SIN3A: variants seen among roughly 807,000 people sequenced by gnomAD.
The protein encoded by SIN3A is SIN3 transcription regulator family member A.
SIN3A carries 14 observed loss-of-function variants against 146.1 expected under a neutral mutation model. The ratio of observed to expected loss-of-function variants is 0.10; its 90% CI spans 0.06 to 0.15. The LOEUF is 0.15. Ranked by LOEUF, SIN3A falls within the 10% of genes least tolerant of loss-of-function variation. SIN3A has a pLI of 1.00. For missense variants in SIN3A, 1,028 were observed against 1,576.0 expected, an observed-to-expected ratio of 0.65 and a Z score of 5.89; for synonymous variants, 572 against 572.0, an observed-to-expected ratio of 1.00 and a Z score of 0.00.
At chr15:75,380,895 T>G (rs868701773) in intron 18 of SIN3A, 172 bp from the exon 19 acceptor site, 1 of 558,404 alleles carries the variant, frequency 1.8e-6, no homozygotes, top group Admixed American at 2.8e-5. Flanking sequence ...GAACACGGAT[T>G]AAAAATTCTG....
intron 3 of SIN3A, among the ~76,000 whole-genome samples, chr15:75,417,522 G>A (rs12148352): frequency 0.1 from 15,222 of 151,698 alleles, 1,012 homozygotes; most frequent in Non-Finnish European, 0.15. Context: ...GATTCCAGGC[G>A]CATGTCACCA....
At position 75,371,941 on chromosome 15, in the gene SIN3A, C is replaced by T. The variant is rs766248420; in HGVS notation, c.*38G>A. ...GAGTGCATAGGCCCACACACACATC[C>T]CCACACACACCCCAAGTTATCTGCT... On this transcript the variant is annotated 3_prime_UTR_variant, in exon 21 of 21. Transcript: ENST00000394947. 5.1e-6 allele frequency: 8 copies of T among 1,573,862 alleles called. No individual in the cohort carries two copies. The South Asian group carries it at 8.9e-5, about 18-fold the overall frequency.
intron 1 of SIN3A, among the ~76,000 whole-genome samples, chr15:75,432,967 G>A (rs1332391298): frequency 6.6e-6 from 1 of 152,032 alleles, no homozygotes; most frequent in Non-Finnish European, 1.5e-5. Context: ...GCTTGAACCT[G>A]GGAGGCGGAG....
intron 16 of SIN3A, among the ~76,000 whole-genome samples, chr15:75,386,286 C>T (rs1475276804): frequency 6.6e-6 from 1 of 152,232 alleles, no homozygotes; most frequent in Non-Finnish European, 1.5e-5. Flanking sequence ...CCTTGGCCTC[C>T]CAAACTGCTG....
In SIN3A at chr15:75,394,781, A is replaced by T; in HGVS notation, c.2176T>A (p.Leu726Met). ...ATCCCCTGGTGGTCCAGAGACTTCA[A>T]GTAGTATTTCTCATTTTGTTCTCGC... Reference protein sequence around the residue: ...VWREQNEKYYLKSLDHQGINF... With the variant: ...VWREQNEKYYMKSLDHQGINF... The change falls in exon 14 of 21, where the codon TTG becomes ATG. Residue 726 changes from leucine to methionine, a missense_variant. Coordinates refer to ENST00000394947, the MANE Select transcript of SIN3A (RefSeq NM_001145358.2). 6.2e-7 allele frequency: 1 copy of T among 1,614,080 alleles called. No homozygotes were observed. Among genetic ancestry groups the T allele is most frequent in the Non-Finnish European group, 8.5e-7 (1 of 1,179,948 alleles).
intron 5 of SIN3A, 138 bp from the exon 6 acceptor site, chr15:75,411,881 A>G: frequency 1.2e-6 from 1 of 808,616 alleles, no homozygotes; most frequent in Non-Finnish European, 1.9e-6. Flanking sequence ...AGTCCAACAC[A>G]AATCATACTG....
At chr15:75,398,723 A>C (rs2073349820) in intron 12 of SIN3A, among the ~76,000 whole-genome samples, 1 of 149,422 alleles carries the variant, frequency 6.7e-6, no homozygotes, top group Admixed American at 6.6e-5. Context: ...AAAAGGAGCC[A>C]ATCAGGCCAG....
At chr15:75,442,301 C>G (rs1490306670) in intron 1 of SIN3A, among the ~76,000 whole-genome samples, 3 of 150,442 alleles carry the variant, frequency 2.0e-5, no homozygotes, top group Non-Finnish European at 3.0e-5. Flanking sequence ...TATCATACAT[C>G]TTTTTGGCAA....
At chr15:75,416,718 C>T (rs932059258) in intron 3 of SIN3A, among the ~76,000 whole-genome samples, 4 of 152,240 alleles carry the variant, frequency 2.6e-5, no homozygotes, top group African/African-American at 9.6e-5. Context: ...TGTTCTCCCT[C>T]CCCACCTTCA....
At chr15:75,404,757 C>A (rs182059351) in intron 9 of SIN3A, among the ~76,000 whole-genome samples, 1,342 of 120,864 alleles carry the variant, frequency 0.011, 12 homozygotes, top group Non-Finnish European at 0.016. Flanking sequence ...GAGACTGTCC[C>A]AGAAAAAAAA....
chr15:75,424,342 G>A (rs910375903), intron 2 of SIN3A, among the ~76,000 whole-genome samples: 2 of 152,096 alleles, frequency 1.3e-5, no homozygotes, highest in Admixed American at 1.3e-4. Flanking sequence ...GCTGAGGCAG[G>A]AGAATTGCTT....
chr15:75,417,105 A>G (rs1357719575), intron 3 of SIN3A, among the ~76,000 whole-genome samples: 1 of 151,596 alleles, frequency 6.6e-6, no homozygotes, highest in Middle Eastern at 3.4e-3. Context: ...CTGTTTTTGG[A>G]AAGTATCTTT....
At chr15:75,380,862 G>C in intron 18 of SIN3A, 139 bp from the exon 19 acceptor site, 1 of 637,030 alleles carries the variant, frequency 1.6e-6, no homozygotes, top group South Asian at 1.7e-5. Flanking sequence ...TTTCTATAAA[G>C]ACATGATTGT....
intron 1 of SIN3A, among the ~76,000 whole-genome samples, chr15:75,437,259 A>G (rs567069700): frequency 2.0e-5 from 3 of 151,628 alleles, no homozygotes; most frequent in African/African-American, 4.8e-5. Flanking sequence ...CGCATCCCCA[A>G]CCTCCTGGGC....
chr15:75,402,628 A>G (rs1437833611), intron 9 of SIN3A, among the ~76,000 whole-genome samples: 2 of 152,014 alleles, frequency 1.3e-5, no homozygotes, highest in East Asian at 3.9e-4. Context: ...TGCAATAAGG[A>G]GTTTTTTTGT....
At chr15:75,399,094 C>T (rs1352637833) in intron 12 of SIN3A, among the ~76,000 whole-genome samples, 2 of 151,008 alleles carry the variant, frequency 1.3e-5, no homozygotes, top group African/African-American at 2.4e-5. Flanking sequence ...CCCAGCCACT[C>T]GGTGGCGGGT....
chr15:75,427,790 C>T (rs541760525), intron 2 of SIN3A, among the ~76,000 whole-genome samples: 3 of 151,882 alleles, frequency 2.0e-5, no homozygotes, highest in Admixed American at 2.0e-4. Context: ...GCCCACATGG[C>T]GAAACCCCAT....
At chr15:75,454,600 A>G (rs1027329708), upstream of SIN3A, among the ~76,000 whole-genome samples, 284 of 150,816 alleles carry the variant, frequency 1.9e-3, 2 homozygotes, top group African/African-American at 6.7e-3. Context: ...CCTTTTCCCG[A>G]TTCCGAGCGT....
intron 1 of SIN3A, among the ~76,000 whole-genome samples, chr15:75,445,988 A>G (rs1354919546): frequency 6.6e-6 from 1 of 152,164 alleles, no homozygotes; most frequent in African/African-American, 2.4e-5. Context: ...GGTGGAAACC[A>G]AATCATTCAT....
Sources: allele counts gnomAD v4.1 joint callset (sites outside exome capture counted in the v4.1 genomes callset), GRCh38; gene constraint gnomAD v4.1.1; transcripts MANE v1.5; gene names NCBI Gene and HGNC (gene_info 2026-07-23, HGNC 2026-07-21).